The following TCF4 variants were observed in gnomAD, a reference collection of about 807,000 sequenced individuals.
The protein encoded by TCF4 is SL3-3 enhancer factor 2.
A neutral mutation model predicts 82.1 loss-of-function variants in TCF4; 3 were observed. The ratio of observed to expected loss-of-function variants is 0.04; its 90% confidence interval spans 0.02 to 0.09. The LOEUF (loss-of-function observed/expected upper bound fraction) is 0.09, where lower values mean the gene tolerates loss of function less well. Ranked by LOEUF, TCF4 falls within the 10% of genes least tolerant of loss-of-function variation. TCF4 has a pLI of 1.00. For missense variants in TCF4, 518 were observed against 852.7 expected (o/e 0.61, Z 4.89); for synonymous variants, 276 against 309.6 (o/e 0.89, Z 1.14).
intron 4 of TCF4, among the ~76,000 whole-genome samples, chr18:55,463,586 G>A (rs944858745): frequency 9.2e-5 from 14 of 152,132 alleles, no homozygotes; most frequent in Admixed American, 2.6e-4. Context: ...TCTACATAGC[G>A]AAATCAACTC....
intron 3 of TCF4, among the ~76,000 whole-genome samples, chr18:55,530,696 A>G (rs995772609): frequency 2.6e-5 from 4 of 152,150 alleles, no homozygotes; most frequent in Non-Finnish European, 4.4e-5. Flanking sequence ...GGAAAAAAAC[A>G]AAATGAAAAA....
chr18:55,542,821 A>G (rs2097175626), intron 3 of TCF4, among the ~76,000 whole-genome samples: 1 of 152,076 alleles, frequency 6.6e-6, no homozygotes, highest in African/African-American at 2.4e-5. Context: ...ATACATTTAG[A>G]AAAACTCAAC....
chr18:55,520,931 C>T (rs1368256885), intron 3 of TCF4, among the ~76,000 whole-genome samples: 3 of 152,190 alleles, frequency 2.0e-5, no homozygotes, highest in East Asian at 1.9e-4. Context: ...GCCTATTCGT[C>T]GCAATTCAGA....
intron 17 of TCF4, chr18:55,231,433 T>C (rs1337140888): frequency 1.3e-5 from 2 of 152,222 alleles, no homozygotes; most frequent in Non-Finnish European, 2.9e-5. Context: ...CATACATAAG[T>C]AAATGTCATA....
intron 2 of TCF4, chr18:55,586,019 A>G: frequency 7.4e-7 from 1 of 1,357,900 alleles, no homozygotes. Context: ...GAATGGAGAA[A>G]GTGCAACAAG....
upstream of TCF4, among the ~76,000 whole-genome samples, chr18:55,593,528 T>G (rs1294227186): frequency 2.0e-5 from 3 of 152,168 alleles, no homozygotes; most frequent in East Asian, 5.8e-4. Flanking sequence ...AAGCCCTCAT[T>G]TGTAGTTGAG....
chr18:55,244,281 T>C (rs1406423234), intron 15 of TCF4, among the ~76,000 whole-genome samples: 1 of 152,148 alleles, frequency 6.6e-6, no homozygotes, highest in Non-Finnish European at 1.5e-5. Flanking sequence ...TTAGATTGCA[T>C]CCAAAACCTT....
chr18:55,390,903 A>C (rs1045759874), intron 6 of TCF4, among the ~76,000 whole-genome samples: 1 of 152,186 alleles, frequency 6.6e-6, no homozygotes, highest in African/African-American at 2.4e-5. Context: ...TCCGGTGACA[A>C]ATGGCACCCA....
At chr18:55,277,796 A>G (rs980400919) in intron 9 of TCF4, among the ~76,000 whole-genome samples, 3 of 152,148 alleles carry the variant, frequency 2.0e-5, no homozygotes, top group Admixed American at 1.3e-4. Context: ...AATGTTTTCA[A>G]TCGAAATCTG....
chr18:55,599,281 T>TC (rs2097694221), intron 2 of TCF4, among the ~76,000 whole-genome samples: 1 of 152,232 alleles, frequency 6.6e-6, no homozygotes. Context: ...TCTTGCAGTT[T>TC]CCCTGTGCAG....
chr18:55,269,776 T>A (rs1397646735), intron 11 of TCF4, 55 bp downstream of exon 11: 7 of 1,610,206 alleles, frequency 4.3e-6, no homozygotes, highest in Middle Eastern at 3.3e-4. Flanking sequence ...AGGTCCTTGA[T>A]GATTAAACTC....
chr18:55,559,810 C>T (rs1292420068), intron 3 of TCF4, among the ~76,000 whole-genome samples: 1 of 152,120 alleles, frequency 6.6e-6, no homozygotes, highest in East Asian at 1.9e-4. Flanking sequence ...TACAATTAAA[C>T]AGAAGCACCT....
At chr18:55,607,778 A>G (rs1272587028) in intron 2 of TCF4, among the ~76,000 whole-genome samples, 2 of 152,226 alleles carry the variant, frequency 1.3e-5, no homozygotes, top group African/African-American at 2.4e-5. Context: ...AAAATGTGCT[A>G]ATTCCATTTA....
chr18:55,442,726 C>T (rs1176537172), intron 5 of TCF4, among the ~76,000 whole-genome samples: 2 of 152,172 alleles, frequency 1.3e-5, no homozygotes, highest in Non-Finnish European at 2.9e-5. Flanking sequence ...TGCATAGCTT[C>T]CCTCTTCCGT....
chr18:55,268,499 T>C (rs1018443792), intron 11 of TCF4: 2 of 152,058 alleles, frequency 1.3e-5, no homozygotes, highest in East Asian at 1.9e-4. Context: ...AACATATTTG[T>C]AGAAGCTTGG....
At chr18:55,569,174 T>A in intron 3 of TCF4, among the ~76,000 whole-genome samples, 1 of 150,482 alleles carries the variant, frequency 6.6e-6, no homozygotes, top group African/African-American at 2.5e-5. Context: ...CATTCCTATT[T>A]AACAGTGTAC....
At chr18:55,566,562 A>G (rs1476167725) in intron 3 of TCF4, among the ~76,000 whole-genome samples, 1 of 152,194 alleles carries the variant, frequency 6.6e-6, no homozygotes, top group Non-Finnish European at 1.5e-5. Context: ...ACCAAATGGA[A>G]CTTTTAGAAA....
chr18:55,611,833 A>G (rs890527146), intron 2 of TCF4, among the ~76,000 whole-genome samples: 3 of 152,098 alleles, frequency 2.0e-5, no homozygotes, highest in African/African-American at 7.2e-5. Context: ...CAGTGGCACA[A>G]TCTTGGGTCA....
At chr18:55,435,360 G>A (rs2147233101) in intron 5 of TCF4, among the ~76,000 whole-genome samples, 1 of 152,238 alleles carries the variant, frequency 6.6e-6, no homozygotes, top group Non-Finnish European at 1.5e-5. Context: ...CCATGATATT[G>A]GCAAATGCTG....
Sources: gnomAD v4.1 joint callset for allele counts (sites outside exome capture counted in the v4.1 genomes callset) on GRCh38, gnomAD v4.1.1 for gene constraint, MANE v1.5 for transcripts, NCBI Gene and HGNC (gene_info 2026-07-23, HGNC 2026-07-21) for gene names.